DLG2: variants seen among roughly 807,000 people sequenced by gnomAD.
DLG2 encodes the protein disks large homolog 2.
In DLG2, 45 loss-of-function variants were observed where a neutral mutation model predicts 132.5. The ratio of observed to expected loss-of-function variants is 0.34; its 90% confidence interval spans 0.27 to 0.44. DLG2 has a LOEUF of 0.44. Ranked by LOEUF, DLG2 falls within the 20% of genes least tolerant of loss-of-function variation. The probability of loss-of-function intolerance (pLI) is 1.00; values close to 1 mark genes in which losing one functional copy is unlikely to be tolerated. For synonymous variants in DLG2, 424 were observed against 419.6 expected (o/e 1.01, Z -0.13); for missense variants, 1,045 against 1,196.9 (o/e 0.87, Z 1.87).
At chr11:84,758,607 G>A (rs2067197981) in intron 6 of DLG2, among the ~76,000 whole-genome samples, 1 of 152,002 alleles carries the variant, frequency 6.6e-6, no homozygotes, top group Non-Finnish European at 1.5e-5. Flanking sequence ...CCACCTCAGG[G>A]ATTCAAATTT....
At chr11:85,350,274 ATTTGTTTAAGTTC>A (rs944887107) in intron 3 of DLG2, among the ~76,000 whole-genome samples, 1 of 152,084 alleles carries the variant, frequency 6.6e-6, no homozygotes, top group Non-Finnish European at 1.5e-5. Flanking sequence ...TTTCTTGTAA[ATTTGTTTAAGTTC>A]TTTGTAGATT....
chr11:84,726,090 T>C (rs2062415974), intron 6 of DLG2, among the ~76,000 whole-genome samples: 1 of 152,062 alleles, frequency 6.6e-6, no homozygotes, highest in Non-Finnish European at 1.5e-5. Flanking sequence ...TCCCCCATAA[T>C]TGTCAACCCT....
intron 7 of DLG2, among the ~76,000 whole-genome samples, chr11:84,453,065 A>C (rs143118392): frequency 0.013 from 1,975 of 151,646 alleles, 26 homozygotes; most frequent in South Asian, 0.039. Flanking sequence ...ACTATGTATA[A>C]ATTTTCAAAA....
intron 4 of DLG2, among the ~76,000 whole-genome samples, chr11:85,266,639 G>C (rs905527149): frequency 1.3e-5 from 2 of 152,014 alleles, no homozygotes; most frequent in South Asian, 2.1e-4. Context: ...AAAAGAAAAA[G>C]AAAACATCCT....
chr11:85,201,169 A>T (rs2081430289), intron 4 of DLG2, among the ~76,000 whole-genome samples: 1 of 152,262 alleles, frequency 6.6e-6, no homozygotes, highest in Non-Finnish European at 1.5e-5. Flanking sequence ...CCTTTGTCCC[A>T]TAGCAGATCC....
At chr11:85,431,415 A>G (rs2091174157) in intron 3 of DLG2, among the ~76,000 whole-genome samples, 1 of 152,222 alleles carries the variant, frequency 6.6e-6, no homozygotes, top group African/African-American at 2.4e-5. Context: ...CCCATGGATC[A>G]GAAGATCCCA....
intron 9 of DLG2, among the ~76,000 whole-genome samples, chr11:84,129,628 C>T (rs937637124): frequency 4.6e-5 from 7 of 151,860 alleles, no homozygotes; most frequent in African/African-American, 9.6e-5. Flanking sequence ...TTTTTGAGAA[C>T]GTAAATTATG....
At chr11:84,103,124 AAG>A (rs1416788524) in intron 9 of DLG2, among the ~76,000 whole-genome samples, 1 of 152,110 alleles carries the variant, frequency 6.6e-6, no homozygotes, top group Admixed American at 6.6e-5. Flanking sequence ...GGTTCTTTAC[AAG>A]AGATTCATCT....
At chr11:83,641,672 G>A (rs1267530938) in intron 18 of DLG2, among the ~76,000 whole-genome samples, 1 of 152,168 alleles carries the variant, frequency 6.6e-6, no homozygotes, top group Non-Finnish European at 1.5e-5. Flanking sequence ...AGAGCGCTGA[G>A]CTCTGGTGAC....
chr11:84,765,649 T>G (rs974996460), intron 6 of DLG2, among the ~76,000 whole-genome samples: 1 of 152,074 alleles, frequency 6.6e-6, no homozygotes, highest in Non-Finnish European at 1.5e-5. Context: ...GGTATAAAAA[T>G]TATTTTGTCA....
intron 11 of DLG2, among the ~76,000 whole-genome samples, chr11:84,028,902 G>A (rs1329632460): frequency 5.9e-5 from 9 of 151,950 alleles, no homozygotes; most frequent in South Asian, 2.1e-4. Context: ...TGAGCCTCTT[G>A]AAGAAAATTT....
intron 7 of DLG2, among the ~76,000 whole-genome samples, chr11:84,395,215 G>A (rs2098807131): frequency 6.7e-6 from 1 of 150,052 alleles, no homozygotes; most frequent in Admixed American, 6.6e-5. Flanking sequence ...ACAATTTCCT[G>A]TACTGTTTAT....
Position 83,667,708 on chromosome 11 carries a change from A to G in DLG2, c.1826-34383T>C, listed in dbSNP as rs2075889903. Among the ~76,000 whole-genome samples the G allele has an allele frequency of 2.0e-5, 3 of 152,100 alleles. No individual in the cohort carries two copies. The South Asian group carries it at 6.2e-4, about 31-fold the overall frequency. ...GAAATTAAAGGAAGAGGCCGGGCGCAGTGGCTCATGCCTGTAATCCCAGCA... is the reference window on the plus strand; with the variant it reads ...GAAATTAAAGGAAGAGGCCGGGCGCGGTGGCTCATGCCTGTAATCCCAGCA... On this transcript the variant is annotated intron_variant, in intron 18 of 27. Coordinates refer to ENST00000376104, the MANE Select transcript of DLG2 (RefSeq NM_001142699.3).
intron 3 of DLG2, among the ~76,000 whole-genome samples, chr11:85,533,819 G>T (rs2075383765): frequency 1.3e-5 from 2 of 152,172 alleles, no homozygotes; most frequent in African/African-American, 2.4e-5. Flanking sequence ...ATGTAGCTGA[G>T]CTAATCAGAA....
At chr11:85,285,979 C>G (rs2078528656) in intron 3 of DLG2, 2 of 319,756 alleles carry the variant, frequency 6.3e-6, no homozygotes, top group Non-Finnish European at 1.2e-5. Flanking sequence ...AAAAAAAAAT[C>G]ATGTAGGAAG....
At chr11:83,998,850 G>A (rs774425615) in intron 11 of DLG2, among the ~76,000 whole-genome samples, 1 of 152,190 alleles carries the variant, frequency 6.6e-6, no homozygotes, top group Non-Finnish European at 1.5e-5. Flanking sequence ...ATTGTGGACT[G>A]TAATCCCTGG....
At chr11:84,729,074 G>A (rs568740160) in intron 6 of DLG2, among the ~76,000 whole-genome samples, 21 of 151,982 alleles carry the variant, frequency 1.4e-4, no homozygotes, top group Middle Eastern at 6.8e-3. Flanking sequence ...GTTTTTTTGG[G>A]TCTGTATCTC....
intron 6 of DLG2, among the ~76,000 whole-genome samples, chr11:85,076,779 C>T (rs1472773236): frequency 6.6e-6 from 1 of 152,006 alleles, no homozygotes; most frequent in African/African-American, 2.4e-5. Context: ...GGTACTTTAA[C>T]GTTGGCTTGT....
At chr11:84,738,363 G>T (rs779729405) in intron 6 of DLG2, among the ~76,000 whole-genome samples, 5 of 151,744 alleles carry the variant, frequency 3.3e-5, no homozygotes, top group Non-Finnish European at 7.4e-5. Context: ...CTTAGTTGGT[G>T]CCAGAGAGGC....
Sources: allele counts gnomAD v4.1 joint callset (sites outside exome capture counted in the v4.1 genomes callset), GRCh38; gene constraint gnomAD v4.1.1; transcripts MANE v1.5; gene names NCBI Gene and HGNC (gene_info 2026-07-23, HGNC 2026-07-21).